NXPH2: variants seen among roughly 807,000 people sequenced by gnomAD.
NXPH2 encodes the protein neurexophilin-2.
A neutral mutation model predicts 19.8 loss-of-function variants in NXPH2; 5 were observed. The observed-to-expected ratio is 0.25, with a 90% CI of 0.13 to 0.53. NXPH2 has a LOEUF of 0.53. NXPH2 is among the 20% of genes least tolerant of loss of function. The pLI is 0.96. For missense variants in NXPH2, 289 were observed against 322.8 expected (o/e 0.90, Z 0.80); for synonymous variants, 154 against 127.4 (o/e 1.21, Z -1.41).
At chr2:138,767,431 A>G (rs1016723749) in intron 1 of NXPH2, among the ~76,000 whole-genome samples, 9 of 152,172 alleles carry the variant, frequency 5.9e-5, no homozygotes, top group Non-Finnish European at 1.2e-4. Flanking sequence ...CTCCCCTGAG[A>G]CCCTTGCATG....
chr2:138,744,946 G>GA (rs1010255542), intron 1 of NXPH2, among the ~76,000 whole-genome samples: 2 of 152,334 alleles, frequency 1.3e-5, no homozygotes, highest in African/African-American at 4.8e-5. Flanking sequence ...TAGCCACGCA[G>GA]GCTTTAGGTG....
chr2:138,762,963 G>A (rs549529746), intron 1 of NXPH2, among the ~76,000 whole-genome samples: 4 of 152,150 alleles, frequency 2.6e-5, no homozygotes, highest in Non-Finnish European at 5.9e-5. Context: ...ACAGGAGAGC[G>A]TATTACGAAT....
At chr2:138,672,443 C>G (rs761398773) in intron 1 of NXPH2, among the ~76,000 whole-genome samples, 1 of 152,020 alleles carries the variant, frequency 6.6e-6, no homozygotes, top group Admixed American at 6.6e-5. Context: ...TCATAGCCAC[C>G]GAAACGTAAG....
intron 1 of NXPH2, among the ~76,000 whole-genome samples, chr2:138,680,743 A>G (rs1680568710): frequency 6.6e-6 from 1 of 152,250 alleles, no homozygotes. Flanking sequence ...AATGAAATCC[A>G]GGACTTACTG....
chr2:138,715,925 G>A (rs1681189930), intron 1 of NXPH2, among the ~76,000 whole-genome samples: 1 of 152,142 alleles, frequency 6.6e-6, no homozygotes, highest in African/African-American at 2.4e-5. Flanking sequence ...CTGTCCTGGG[G>A]TGGGGTGAGG....
chr2:138,680,974 C>T (rs534067837), intron 1 of NXPH2, among the ~76,000 whole-genome samples: 21 of 152,160 alleles, frequency 1.4e-4, no homozygotes, highest in Admixed American at 4.6e-4. Flanking sequence ...TCAGTCTTTG[C>T]TGAATTCCTG....
intron 1 of NXPH2, among the ~76,000 whole-genome samples, chr2:138,776,525 A>G (rs1010653949): frequency 1.3e-5 from 2 of 151,652 alleles, no homozygotes; most frequent in East Asian, 3.9e-4. Flanking sequence ...CTTAATTTTC[A>G]TTTTTTAAAG....
chr2:138,749,884 T>C (rs1224304014), intron 1 of NXPH2, among the ~76,000 whole-genome samples: 4 of 152,070 alleles, frequency 2.6e-5, no homozygotes, highest in Admixed American at 6.6e-5. Context: ...TAAAACAGAG[T>C]GTGTCGCTTA....
chr2:138,699,809 G>A (rs895971327), intron 1 of NXPH2, among the ~76,000 whole-genome samples: 3 of 152,172 alleles, frequency 2.0e-5, no homozygotes, highest in Admixed American at 1.3e-4. Flanking sequence ...ACGTTCATGC[G>A]TATTTTCTTG....
At chr2:138,774,677 A>G in intron 1 of NXPH2, among the ~76,000 whole-genome samples, 1 of 152,236 alleles carries the variant, frequency 6.6e-6, no homozygotes, top group Non-Finnish European at 1.5e-5. Flanking sequence ...ACATGTGCAC[A>G]CATACACACA....
intron 1 of NXPH2, among the ~76,000 whole-genome samples, chr2:138,676,576 GCTCAAGTGTGTGACATGA>G (rs1680487294): frequency 6.6e-6 from 1 of 152,116 alleles, no homozygotes; most frequent in Admixed American, 6.5e-5. Flanking sequence ...GTCACCCCTT[GCTCAAGTGTGTGACATGA>G]ACCTCAGTTT....
intron 1 of NXPH2, among the ~76,000 whole-genome samples, chr2:138,749,640 TAAAG>T (rs983934181): frequency 2.0e-5 from 3 of 152,106 alleles, no homozygotes; most frequent in African/African-American, 4.8e-5. Context: ...AAAAATAAAA[TAAAG>T]ATATTCAAGG....
chr2:138,714,063 G>C (rs1681153099), intron 1 of NXPH2, among the ~76,000 whole-genome samples: 1 of 151,638 alleles, frequency 6.6e-6, no homozygotes, highest in Non-Finnish European at 1.5e-5. Context: ...TGTCATAAAA[G>C]TGTAGCAGCT....
intron 1 of NXPH2, among the ~76,000 whole-genome samples, chr2:138,699,099 A>T (rs1035729161): frequency 2.0e-5 from 3 of 152,222 alleles, no homozygotes; most frequent in Admixed American, 2.0e-4. Flanking sequence ...ATGTATGTAC[A>T]TAAACATATA....
chr2:138,742,925 G>A (rs761632093), intron 1 of NXPH2, among the ~76,000 whole-genome samples: 30 of 152,056 alleles, frequency 2.0e-4, no homozygotes, highest in Non-Finnish European at 3.4e-4. Flanking sequence ...GATTGGTCTC[G>A]GATATGGCAA....
rs1332803958 is a variant in NXPH2 at position 138,709,825 on chromosome 2, C to T, written c.52-38160G>A. Among the ~76,000 whole-genome samples the T allele has an allele frequency of 2.0e-5, 3 of 152,148 alleles. No homozygotes were observed. In the East Asian group the frequency reaches 5.8e-4, roughly 29 times the overall value. ...TAGTATTGTACATTTAAAGTTTCTC[C>T]ATGTCTTTTCATGGTTTAATCATTT... On this transcript the variant is annotated intron_variant, in intron 1 of 1. Transcript: ENST00000272641.
chr2:138,777,501 C>T (rs77010317), intron 1 of NXPH2, among the ~76,000 whole-genome samples: 8,208 of 151,900 alleles, frequency 0.054, 307 homozygotes, highest in South Asian at 0.086. Context: ...TTATCAATTC[C>T]GCTTACTGTT....
chr2:138,750,061 C>T lies in NXPH2; in HGVS notation c.51+30130G>A, dbSNP rs896503611. 5.3e-5 allele frequency among the ~76,000 whole-genome samples: 8 copies of T among 152,084 alleles called. No homozygotes were observed. In the South Asian group the frequency reaches 8.3e-4, roughly 16 times the overall value. On this transcript the variant is annotated intron_variant, in intron 1 of 1. Coordinates refer to ENST00000272641, the MANE Select transcript of NXPH2 (RefSeq NM_007226.3). ...TCAATTTAAACATCGTTTTCTTCTC[C>T]GTCTTAACAGAAAATACACAAGGGA...
chr2:138,705,876 C>A (rs991933978), intron 1 of NXPH2, among the ~76,000 whole-genome samples: 1 of 152,210 alleles, frequency 6.6e-6, no homozygotes, highest in African/African-American at 2.4e-5. Context: ...AATGCCTCCA[C>A]TTTTTAATCA....
Sources: allele counts gnomAD v4.1 joint callset (sites outside exome capture counted in the v4.1 genomes callset), GRCh38; gene constraint gnomAD v4.1.1; transcripts MANE v1.5; gene names NCBI Gene and HGNC (gene_info 2026-07-23, HGNC 2026-07-21).